The following GBF1 variants were observed in gnomAD, a reference collection of about 807,000 sequenced individuals.
GBF1 encodes golgi brefeldin A resistant guanine nucleotide exchange factor 1, also known as Golgi-specific brefeldin A-resistance guanine nucleotide exchange factor 1.
In GBF1, 114 loss-of-function variants were observed where a neutral mutation model predicts 210.5. That is an observed-to-expected ratio of 0.54 (90% CI 0.47 to 0.63). GBF1 has a LOEUF of 0.63. Among genes scored for constraint, GBF1 ranks in the 30% least tolerant of loss-of-function variants. The probability of loss-of-function intolerance (pLI) is 0.00; values close to 1 mark genes in which losing one functional copy is unlikely to be tolerated. For synonymous variants in GBF1, 850 were observed against 889.2 expected, an observed-to-expected ratio of 0.96 and a Z score of 0.78; for missense variants, 1,851 against 2,357.7, an observed-to-expected ratio of 0.79 and a Z score of 4.45.
intron 17 of GBF1, among the ~76,000 whole-genome samples, chr10:102,364,541 A>G (rs1170435802): frequency 6.7e-6 from 1 of 149,352 alleles, no homozygotes; most frequent in Non-Finnish European, 1.5e-5. Context: ...TGGGTTTCTT[A>G]ACACAAAGAA....
At chr10:102,243,228 C>T (rs574723647), upstream of GBF1, among the ~76,000 whole-genome samples, 84 of 152,326 alleles carry the variant, frequency 5.5e-4, no homozygotes, top group Non-Finnish European at 1.1e-3. Flanking sequence ...TCTGAACTCT[C>T]AGTTTAGCCC....
intron 3 of GBF1, among the ~76,000 whole-genome samples, chr10:102,266,962 G>A (rs1359150548): frequency 6.6e-6 from 1 of 152,184 alleles, no homozygotes; most frequent in African/African-American, 2.4e-5. Flanking sequence ...GTCTGAGCTA[G>A]GAGGTTTGAG....
At chr10:102,249,728 G>T (rs1245299587) in intron 1 of GBF1, among the ~76,000 whole-genome samples, 3 of 146,738 alleles carry the variant, frequency 2.0e-5, no homozygotes, top group Non-Finnish European at 4.5e-5. Context: ...GTCTTGCTCT[G>T]TTGCCCAGGC....
At chr10:102,379,677 T>TAA in intron 35 of GBF1, 26 bp downstream of exon 35, 1 of 1,613,414 alleles carries the variant, frequency 6.2e-7, no homozygotes, top group Admixed American at 1.7e-5. Context: ...GGTCTTAAGA[T>TAA]AAAGTTCAAA....
At chr10:102,259,526 T>C (rs1448413017) in intron 2 of GBF1, among the ~76,000 whole-genome samples, 2 of 152,226 alleles carry the variant, frequency 1.3e-5, no homozygotes, top group Non-Finnish European at 2.9e-5. Context: ...TTGCTATATA[T>C]GTTTGAGGAC....
chr10:102,242,631 G>A (rs1327334866), upstream of GBF1, among the ~76,000 whole-genome samples: 2 of 152,124 alleles, frequency 1.3e-5, no homozygotes, highest in East Asian at 1.9e-4. Flanking sequence ...TGGGTGCTCC[G>A]AAGAGCCTAA....
rs552339556 is a variant in GBF1 at position 102,353,146 on chromosome 10, A to G, written c.585-454A>G. 3.9e-5 allele frequency among the ~76,000 whole-genome samples: 6 copies of G among 152,202 alleles called. No individual in the cohort carries two copies. In the East Asian group the frequency reaches 7.7e-4, roughly 20 times the overall value. On this transcript the variant is annotated intron_variant, in intron 7 of 39. Transcript: ENST00000369983. ...AGATAATAATCCTTATTATCTACAG[A>G]CTAGACTGCCCTTGGATCCTGCTGC...
At chr10:102,344,029 A>G in intron 3 of GBF1, 22 bp from the exon 4 acceptor site, 1 of 1,607,868 alleles carries the variant, frequency 6.2e-7, no homozygotes. Context: ...ATACCTCTTC[A>G]TTTCTGTGTA....
intron 3 of GBF1, among the ~76,000 whole-genome samples, chr10:102,342,409 TCA>T (rs1026095307): frequency 1.4e-5 from 2 of 146,460 alleles, no homozygotes; most frequent in Non-Finnish European, 3.1e-5. Context: ...ACACACACAC[TCA>T]CACACAGACA....
chr10:102,232,185 G>C, the GBF1 span: 1 of 742,664 alleles, frequency 1.3e-6, no homozygotes, highest in Non-Finnish European at 2.3e-6. Flanking sequence ...ATTCCCTGGC[G>C]CCTTTCTCAA....
chr10:102,370,206 C>T lies in GBF1; in HGVS notation c.3372C>T (p.Ser1124=), dbSNP rs2060128362. The T allele has an allele frequency of 1.9e-6, 3 of 1,612,552 alleles. No homozygotes were observed. Among genetic ancestry groups the T allele is most frequent in the Non-Finnish European group, 8.5e-7 (1 of 1,178,708 alleles). ...QCDPEKMITE[S]KFLQLESLQE... ...ACCCAGAAAAAATGATCACAGAAAG[C>T]AAGTTCCTCCAGCTGGAGTCACTAC... is the stretch of plus-strand genomic sequence containing the variant. Residue 1124 remains serine (S), a synonymous_variant, in exon 27 of 40, where the codon AGC becomes AGT. Coordinates refer to ENST00000369983, the MANE Select transcript of GBF1 (RefSeq NM_001377137.1).
At chr10:102,344,573 C>G (rs563889418) in intron 4 of GBF1, among the ~76,000 whole-genome samples, 1 of 151,384 alleles carries the variant, frequency 6.6e-6, no homozygotes. Flanking sequence ...CTCCACCTCC[C>G]GGGTTCATGC....
chr10:102,349,125 G>A (rs1260664701), intron 4 of GBF1, among the ~76,000 whole-genome samples: 3 of 151,946 alleles, frequency 2.0e-5, no homozygotes, highest in African/African-American at 7.3e-5. Context: ...CCCCAGCCTG[G>A]GCGATAGAGC....
At chr10:102,320,049 CA>C (rs1471315751) in intron 3 of GBF1, among the ~76,000 whole-genome samples, 10 of 152,018 alleles carry the variant, frequency 6.6e-5, no homozygotes, top group Admixed American at 5.9e-4. Context: ...TTTACTGTCT[CA>C]CATTGGTTTT....
chr10:102,306,450 T>C (rs968730830), intron 3 of GBF1, among the ~76,000 whole-genome samples: 2 of 152,092 alleles, frequency 1.3e-5, no homozygotes, highest in Non-Finnish European at 2.9e-5. Flanking sequence ...TGAGATGGAG[T>C]TCTGCTCTTG....
chr10:102,254,885 T>C (rs1183037180), intron 1 of GBF1, among the ~76,000 whole-genome samples: 2 of 152,180 alleles, frequency 1.3e-5, no homozygotes, highest in Non-Finnish European at 2.9e-5. Context: ...TTCTTGGCCA[T>C]TGGCTACCAG....
chr10:102,367,330 G>C, intron 20 of GBF1, 120 bp downstream of exon 20: 1 of 1,259,394 alleles, frequency 7.9e-7, no homozygotes, highest in Non-Finnish European at 1.1e-6. Context: ...ATCAGGAAGG[G>C]CTGGCCAACC....
intron 3 of GBF1, among the ~76,000 whole-genome samples, chr10:102,342,835 A>G (rs1260590737): frequency 1.3e-5 from 2 of 152,172 alleles, no homozygotes; most frequent in Non-Finnish European, 2.9e-5. Flanking sequence ...TTCTGGTCAG[A>G]GTAAGGTAGG....
rs774112751 is a variant in GBF1 at position 102,358,512 on chromosome 10, T to C, written c.794T>C (p.Met265Thr). Reference sequence around the variant, plus strand: ...CACATACTTTTCTTGGCAGGTGGCATGCCCTTCATTGATGTGCCCACTCCC... The same window carrying C: ...CACATACTTTTCTTGGCAGGTGGCACGCCCTTCATTGATGTGCCCACTCCC... ...TTLSSNLTGG[M>T]PFIDVPTPIS... The change falls in exon 10 of 40, where the codon ATG becomes ACG. Residue 265 changes from methionine (M) to threonine (T), a missense_variant. By Grantham distance (81) the Met-to-Thr change is moderately conservative. Coordinates refer to ENST00000369983, the MANE Select transcript of GBF1 (RefSeq NM_001377137.1). 3.1e-6 allele frequency: 5 copies of C among 1,611,262 alleles called. No homozygotes were observed. Among genetic ancestry groups the C allele is most frequent in the Non-Finnish European group, 2.5e-6 (3 of 1,177,420 alleles).
Sources: gnomAD v4.1 joint callset for allele counts (sites outside exome capture counted in the v4.1 genomes callset) on GRCh38, gnomAD v4.1.1 for gene constraint, MANE v1.5 for transcripts, NCBI Gene and HGNC (gene_info 2026-07-23, HGNC 2026-07-21) for gene names.